WWOX: variants seen among roughly 807,000 people sequenced by gnomAD.
The protein encoded by WWOX is WW domain-containing oxidoreductase.
Under a neutral mutation model 46.2 loss-of-function variants are expected in WWOX, and 69 were observed. The observed-to-expected ratio is 1.49, with a 90% CI of 1.23 to 1.82. The LOEUF is 1.82. WWOX is among the 40% of genes most tolerant of loss of function. The probability of loss-of-function intolerance (pLI) is 0.00; values close to 1 mark genes in which losing one functional copy is unlikely to be tolerated. For synonymous variants in WWOX, 359 were observed against 202.6 expected (o/e 1.77, Z -6.56); for missense variants, 919 against 542.6 (o/e 1.69, Z -6.89).
intron 8 of WWOX, among the ~76,000 whole-genome samples, chr16:78,994,878 A>G (rs941223082): frequency 6.6e-6 from 1 of 151,914 alleles, no homozygotes; most frequent in Non-Finnish European, 1.5e-5. Flanking sequence ...ATAATGTGAA[A>G]AAGGTGGAAA....
At chr16:78,807,658 G>C (rs939374547) in intron 8 of WWOX, among the ~76,000 whole-genome samples, 8 of 152,310 alleles carry the variant, frequency 5.3e-5, no homozygotes, top group East Asian at 3.9e-4. Flanking sequence ...TTAGATTGAA[G>C]GGCGCCAGCC....
chr16:78,399,609 C>T (rs1157370672), intron 6 of WWOX, among the ~76,000 whole-genome samples: 3 of 152,114 alleles, frequency 2.0e-5, no homozygotes, highest in South Asian at 4.1e-4. Flanking sequence ...GCAGCAAATC[C>T]CCGGCGTCAG....
At chr16:78,527,132 C>T (rs1015953952) in intron 8 of WWOX, among the ~76,000 whole-genome samples, 1 of 152,052 alleles carries the variant, frequency 6.6e-6, no homozygotes, top group Non-Finnish European at 1.5e-5. Flanking sequence ...CATTGCACTC[C>T]AGCCTGGGCA....
At chr16:78,534,076 A>G (rs75384473) in intron 8 of WWOX, among the ~76,000 whole-genome samples, 2,168 of 152,326 alleles carry the variant, frequency 0.014, 23 homozygotes, top group African/African-American at 0.027. Context: ...ATATTTGGAA[A>G]ATAAATATTA....
At chr16:78,889,610 C>T (rs2044544317) in intron 8 of WWOX, among the ~76,000 whole-genome samples, 1 of 152,064 alleles carries the variant, frequency 6.6e-6, no homozygotes, top group Non-Finnish European at 1.5e-5. Context: ...TAAGCGTGCC[C>T]AGGGGAAATG....
intron 8 of WWOX, among the ~76,000 whole-genome samples, chr16:78,818,119 C>G (rs1333424229): frequency 6.6e-6 from 1 of 152,194 alleles, no homozygotes. Flanking sequence ...CTTTTATAAA[C>G]CTGCCTTGAC....
At chr16:78,500,552 G>A (rs979954670) in intron 8 of WWOX, among the ~76,000 whole-genome samples, 1 of 152,074 alleles carries the variant, frequency 6.6e-6, no homozygotes, top group African/African-American at 2.4e-5. Flanking sequence ...GGTGCATGCT[G>A]CTGGAACACC....
At chr16:78,929,222 G>C (rs1463517020) in intron 8 of WWOX, among the ~76,000 whole-genome samples, 1 of 151,400 alleles carries the variant, frequency 6.6e-6, no homozygotes, top group African/African-American at 2.4e-5. Flanking sequence ...AAACTCTTCA[G>C]TTCTGTTGGG....
At chr16:78,364,660 T>TTCTC (rs71137892) in intron 5 of WWOX, among the ~76,000 whole-genome samples, 1 of 151,746 alleles carries the variant, frequency 6.6e-6, no homozygotes, top group African/African-American at 2.4e-5. Flanking sequence ...TGGGTGCTCT[T>TTCTC]TCTCTATAAT....
chr16:78,147,259 A>G (rs1252378179), intron 4 of WWOX, among the ~76,000 whole-genome samples: 1 of 151,978 alleles, frequency 6.6e-6, no homozygotes, highest in Non-Finnish European at 1.5e-5. Context: ...AAAGTTTTTT[A>G]CATTTTGCCT....
chr16:79,011,118 T>C lies in WWOX; in HGVS notation c.1057-200490T>C, dbSNP rs189806208. 4.8e-5 allele frequency among the ~76,000 whole-genome samples: 7 copies of C among 147,296 alleles called. No individual in the cohort carries two copies. In the East Asian group the frequency reaches 1.2e-3, roughly 25 times the overall value. On this transcript the variant is annotated intron_variant, in intron 8 of 8. Transcript: ENST00000566780. ...TACATATGATATGTATGGTTACATA[T>C]CTACTCACTCACACATCCACACACA...
At chr16:78,496,311 G>T (rs1298222292) in intron 8 of WWOX, 1 of 152,214 alleles carries the variant, frequency 6.6e-6, no homozygotes, top group African/African-American at 2.4e-5. Flanking sequence ...AGTCATCACT[G>T]ATGTTCTGCC....
intron 8 of WWOX, among the ~76,000 whole-genome samples, chr16:78,831,083 C>T (rs987677738): frequency 2.0e-5 from 3 of 152,268 alleles, no homozygotes; most frequent in Admixed American, 1.3e-4. Context: ...GAAGGGACTG[C>T]GTTCCTAGCC....
intron 8 of WWOX, among the ~76,000 whole-genome samples, chr16:78,794,037 T>G (rs997729891): frequency 1.4e-4 from 21 of 152,244 alleles, no homozygotes; most frequent in African/African-American, 4.8e-4. Context: ...ATTCAAATCC[T>G]GCTGTGGTCA....
chr16:79,006,511 T>C (rs1007508002), intron 8 of WWOX, among the ~76,000 whole-genome samples: 2 of 152,138 alleles, frequency 1.3e-5, no homozygotes, highest in African/African-American at 2.4e-5. Context: ...TTACGCTTTT[T>C]TTTTTTCCTT....
At chr16:78,943,288 G>T (rs977756052) in intron 8 of WWOX, among the ~76,000 whole-genome samples, 2 of 148,934 alleles carry the variant, frequency 1.3e-5, no homozygotes, top group Admixed American at 1.3e-4. Context: ...CCTGGATAAG[G>T]AGAATGAGGT....
intron 8 of WWOX, among the ~76,000 whole-genome samples, chr16:78,468,390 T>A (rs547294775): frequency 3.9e-5 from 6 of 152,092 alleles, no homozygotes; most frequent in Non-Finnish European, 8.8e-5. Flanking sequence ...CACGTATTGT[T>A]GCAACGGCAA....
intron 8 of WWOX, among the ~76,000 whole-genome samples, chr16:78,706,743 T>C (rs1431511048): frequency 6.6e-6 from 1 of 152,182 alleles, no homozygotes; most frequent in African/African-American, 2.4e-5. Context: ...ACTGACGCAA[T>C]TGGCACCTCA....
intron 5 of WWOX, among the ~76,000 whole-genome samples, chr16:78,306,173 G>T (rs931670318): frequency 2.0e-5 from 3 of 152,048 alleles, no homozygotes; most frequent in African/African-American, 7.2e-5. Flanking sequence ...TGAACGGGTG[G>T]CTTCTTCATC....
Sources: gnomAD v4.1 joint callset for allele counts (sites outside exome capture counted in the v4.1 genomes callset) on GRCh38, gnomAD v4.1.1 for gene constraint, MANE v1.5 for transcripts, NCBI Gene and HGNC (gene_info 2026-07-23, HGNC 2026-07-21) for gene names.